Variants in MARCHF4 observed in about 807,000 individuals in gnomAD.
The protein encoded by MARCHF4 is membrane associated ring-CH-type finger 4, also known as E3 ubiquitin-protein ligase MARCHF4.
MARCHF4 carries 14 observed loss-of-function variants against 43.9 expected under a neutral mutation model. That is an observed-to-expected ratio of 0.32 (90% confidence interval 0.21 to 0.50). The LOEUF is 0.50. Among genes scored for constraint, MARCHF4 ranks in the 20% least tolerant of loss-of-function variants. The pLI, the probability that MARCHF4 is intolerant of heterozygous loss-of-function variation, is 0.98. For missense variants in MARCHF4, 468 were observed against 536.7 expected (o/e 0.87, Z 1.27); for synonymous variants, 226 against 213.3 (o/e 1.06, Z -0.52).
At chr2:216,295,057 G>A (rs1211563666) in intron 1 of MARCHF4, among the ~76,000 whole-genome samples, 1 of 152,180 alleles carries the variant, frequency 6.6e-6, no homozygotes, top group Non-Finnish European at 1.5e-5. Context: ...ATGTACTAGA[G>A]GCTAGGTATT....
intron 1 of MARCHF4, among the ~76,000 whole-genome samples, chr2:216,365,687 C>T (rs190918730): frequency 4.0e-4 from 61 of 152,310 alleles, no homozygotes; most frequent in Admixed American, 1.7e-3. Context: ...GCAAATTCCC[C>T]GACTTGTCTT....
intron 1 of MARCHF4, among the ~76,000 whole-genome samples, chr2:216,327,030 T>C (rs1158028976): frequency 6.6e-6 from 1 of 152,180 alleles, no homozygotes; most frequent in Non-Finnish European, 1.5e-5. Flanking sequence ...ACTGTGAGGA[T>C]AAAATAATCC....
intron 1 of MARCHF4, among the ~76,000 whole-genome samples, chr2:216,302,892 T>G (rs1229180667): frequency 7.9e-6 from 1 of 126,890 alleles, no homozygotes; most frequent in African/African-American, 3.5e-5. Context: ...GGTGAGACTC[T>G]GTATCAAAAA....
Position 216,354,894 on chromosome 2 carries a change from T to TCTTTCTTTCTTTCTTTCTTTCTTC in MARCHF4, c.516+14850_516+14851insGAAGAAAGAAAGAAAGAAAGAAAG, listed in dbSNP as rs1559106481. ...CATGAAACTTATTTAATAATTGTTT[T>TCTTTCTTTCTTTCTTTCTTTCTTC]CTTTCTTTCTTTCTTTCTTTCTTTC... is the stretch of plus-strand genomic sequence containing the variant. On this transcript the variant is annotated intron_variant, in intron 1 of 3. Transcript: ENST00000273067. Among the ~76,000 whole-genome samples the TCTTTCTTTCTTTCTTTCTTTCTTC allele has an allele frequency of 3.3e-3, 118 of 36,228 alleles. 2 individuals are homozygous for TCTTTCTTTCTTTCTTTCTTTCTTC. Among genetic ancestry groups the TCTTTCTTTCTTTCTTTCTTTCTTC allele is most frequent in the East Asian group, 4.9e-3 (6 of 1,222 alleles). 23.8% of individuals were successfully genotyped at this position (36,228 alleles called of 152,430 possible).
At chr2:216,262,832 T>G (rs1255829100) in intron 3 of MARCHF4, among the ~76,000 whole-genome samples, 1 of 152,222 alleles carries the variant, frequency 6.6e-6, no homozygotes, top group East Asian at 1.9e-4. Flanking sequence ...TAAATTAATA[T>G]AATGCCCTAA....
intron 1 of MARCHF4, among the ~76,000 whole-genome samples, chr2:216,314,068 T>C (rs1691733094): frequency 6.6e-6 from 1 of 152,208 alleles, no homozygotes; most frequent in Non-Finnish European, 1.5e-5. Context: ...CTAGTCTGCA[T>C]TGTAGTTGTA....
chr2:216,319,306 T>C (rs1691842052), intron 1 of MARCHF4, among the ~76,000 whole-genome samples: 1 of 151,994 alleles, frequency 6.6e-6, no homozygotes, highest in African/African-American at 2.4e-5. Flanking sequence ...AGATTCCATC[T>C]AAAACAAAAC....
intron 3 of MARCHF4, chr2:216,259,887 A>G: frequency 1.7e-6 from 1 of 583,176 alleles, no homozygotes; most frequent in East Asian, 2.8e-5. Flanking sequence ...GAAATAGTTG[A>G]GCACCTTCAG....
rs1334306077 is a variant in MARCHF4, at chr2:216,263,516, AG to A, written c.866-3838del. On this transcript the variant is annotated intron_variant, in intron 3 of 3. Coordinates refer to ENST00000273067, the MANE Select transcript of MARCHF4 (RefSeq NM_020814.3). ...GAAAGAGAGAGAGAGAGAGAGAGAG[AG>A]AGAGAGAGAGAGAGAGAGAGAAAGA... Among the ~76,000 whole-genome samples the A allele has an allele frequency of 6.2e-3, 920 of 148,938 alleles. 15 individuals are homozygous for A. Among genetic ancestry groups the A allele is most frequent in the African/African-American group, 0.016 (631 of 40,640 alleles).
intron 1 of MARCHF4, among the ~76,000 whole-genome samples, chr2:216,312,891 G>A (rs1466600429): frequency 7.5e-6 from 1 of 134,072 alleles, no homozygotes; most frequent in Non-Finnish European, 1.6e-5. Flanking sequence ...GTTTAACTAA[G>A]TCCCATTTGT....
At chr2:216,365,882 C>A (rs115870319) in intron 1 of MARCHF4, among the ~76,000 whole-genome samples, 2,483 of 152,242 alleles carry the variant, frequency 0.016, 79 homozygotes, top group African/African-American at 0.055. Context: ...GTCTCTGGAC[C>A]TTGTCCAGCA....
intron 1 of MARCHF4, among the ~76,000 whole-genome samples, chr2:216,324,246 T>C (rs1344366830): frequency 1.3e-4 from 19 of 146,088 alleles, no homozygotes; most frequent in Admixed American, 3.5e-4. Flanking sequence ...ACACATACAC[T>C]CTCCCAAGAC....
At chr2:216,333,672 C>A (rs1692114468) in intron 1 of MARCHF4, among the ~76,000 whole-genome samples, 1 of 152,192 alleles carries the variant, frequency 6.6e-6, no homozygotes. Context: ...TGTCTCCCTG[C>A]ACTAAAATAA....
intron 1 of MARCHF4, among the ~76,000 whole-genome samples, chr2:216,314,459 G>C (rs1241401537): frequency 6.6e-6 from 1 of 151,910 alleles, no homozygotes; most frequent in East Asian, 1.9e-4. Context: ...GAGTAGCTGG[G>C]ATTACAGGCA....
At chr2:216,280,148 G>T (rs1416038681) in intron 2 of MARCHF4, among the ~76,000 whole-genome samples, 5 of 152,036 alleles carry the variant, frequency 3.3e-5, no homozygotes. Flanking sequence ...CCCATATGAG[G>T]CTCCACAGAG....
intron 1 of MARCHF4, among the ~76,000 whole-genome samples, chr2:216,331,643 G>A (rs796326868): frequency 1.6e-4 from 24 of 152,186 alleles, no homozygotes; most frequent in East Asian, 7.7e-4. Context: ...AGGACTAAGC[G>A]GATTTGTTCA....
At chr2:216,300,909 A>G (rs1691483575) in intron 1 of MARCHF4, among the ~76,000 whole-genome samples, 1 of 152,170 alleles carries the variant, frequency 6.6e-6, no homozygotes, top group Non-Finnish European at 1.5e-5. Flanking sequence ...TGAAATAGAA[A>G]GGAGTTAACA....
At chr2:216,341,259 T>C (rs1692231421) in intron 1 of MARCHF4, among the ~76,000 whole-genome samples, 1 of 152,168 alleles carries the variant, frequency 6.6e-6, no homozygotes, top group African/African-American at 2.4e-5. Flanking sequence ...AATAAAATGG[T>C]TTTGATTACA....
intron 2 of MARCHF4, among the ~76,000 whole-genome samples, chr2:216,282,926 A>C (rs1371002161): frequency 6.6e-6 from 1 of 151,670 alleles, no homozygotes; most frequent in Non-Finnish European, 1.5e-5. Flanking sequence ...GTCCCTTGCC[A>C]TTGGAAGTGT....
Sources: allele counts gnomAD v4.1 joint callset (sites outside exome capture counted in the v4.1 genomes callset), GRCh38; gene constraint gnomAD v4.1.1; transcripts MANE v1.5; gene names NCBI Gene and HGNC (gene_info 2026-07-23, HGNC 2026-07-21).